Variants in ST7L observed in about 807,000 individuals in gnomAD.
ST7L encodes the protein suppressor of tumorigenicity 7 protein-like.
In ST7L, 57 loss-of-function variants were observed where a neutral mutation model predicts 72.5. The ratio of observed to expected loss-of-function variants is 0.79; its 90% CI spans 0.64 to 0.98. The LOEUF (loss-of-function observed/expected upper bound fraction) is 0.98, where lower values mean the gene tolerates loss of function less well. ST7L is among the 50% of genes least tolerant of loss of function. The probability of loss-of-function intolerance (pLI) is 0.00; values close to 1 mark genes in which losing one functional copy is unlikely to be tolerated. For synonymous variants in ST7L, 221 were observed against 240.9 expected (o/e 0.92, Z 0.77); for missense variants, 576 against 672.2 (o/e 0.86, Z 1.58).
chr1:112,568,313 T>C (rs1259711089), intron 11 of ST7L, among the ~76,000 whole-genome samples: 1 of 151,536 alleles, frequency 6.6e-6, no homozygotes, highest in Non-Finnish European at 1.5e-5. Context: ...AGAGTGTCAA[T>C]GGTCTACTGT....
intron 12 of ST7L, among the ~76,000 whole-genome samples, 158 bp downstream of exon 12, chr1:112,555,710 C>T (rs1317752973): frequency 6.6e-6 from 1 of 152,202 alleles, no homozygotes; most frequent in Non-Finnish European, 1.5e-5. Flanking sequence ...TTATGCATTT[C>T]TACCAATAAA....
Position 112,551,138 on chromosome 1 carries a change from C to CTTTTTTTTTTTTTTTTTTTTTTT in ST7L, c.1397-468_1397-446dup, listed in dbSNP as rs567601091. 1.2e-4 allele frequency among the ~76,000 whole-genome samples: 9 copies of CTTTTTTTTTTTTTTTTTTTTTTT among 77,222 alleles called. 2 individuals carry two copies. Among genetic ancestry groups the CTTTTTTTTTTTTTTTTTTTTTTT allele is most frequent in the African/African-American group, 3.2e-4 (5 of 15,784 alleles). 50.7% of individuals were successfully genotyped at this position (77,222 alleles called of 152,430 possible). On this transcript the variant is annotated intron_variant, in intron 12 of 14. Coordinates refer to ENST00000358039, the MANE Select transcript of ST7L (RefSeq NM_017744.5). ...TCACCAAAGCTTTCTATGAGCAGATCTTTTTTTTTTTTTTTTTTTTTTTTT... is the reference window on the plus strand; with the variant it reads ...TCACCAAAGCTTTCTATGAGCAGATCTTTTTTTTTTTTTTTTTTTTTTTTTTTTTTTTTTTTTTTTTTTTTTTT...
intron 5 of ST7L, among the ~76,000 whole-genome samples, chr1:112,594,395 G>A (rs1383540305): frequency 1.3e-5 from 2 of 152,084 alleles, no homozygotes; most frequent in Non-Finnish European, 2.9e-5. Flanking sequence ...AGTGAAGCTT[G>A]GCATTGGAAA....
At chr1:112,591,636 T>C (rs749537629) in intron 5 of ST7L, 33 bp from the exon 6 acceptor site, 10 of 1,556,272 alleles carry the variant, frequency 6.4e-6, no homozygotes, top group South Asian at 1.2e-5. Context: ...ATAGATGAGA[T>C]GGTAAAAAAA....
intron 14 of ST7L, among the ~76,000 whole-genome samples, chr1:112,534,710 A>T (rs1481569160): frequency 6.6e-6 from 1 of 152,236 alleles, no homozygotes; most frequent in African/African-American, 2.4e-5. Context: ...GATGTTTTCT[A>T]AAACAAAGAT....
rs149361117 is a variant in ST7L, at chr1:112,617,996, C to T, written c.205+913G>A. 7.3e-5 allele frequency: 95 copies of T among 1,303,778 alleles called. No homozygotes were observed. In the African/African-American group the frequency reaches 1.3e-3, roughly 17 times the overall value. The allele number at this position is 1,303,778 out of a possible 1,614,324, so 80.8% of individuals were successfully genotyped here. ...CCAAAAAAACCAAAATATTTCCGAA[C>T]ATTAACTCACAGTCTTTCATGTCAT... is the stretch of plus-strand genomic sequence containing the variant. On this transcript the variant is annotated intron_variant, in intron 1 of 14. Transcript: ENST00000358039.
At chr1:112,614,100 ATAGCT>A (rs931713218) in intron 2 of ST7L, among the ~76,000 whole-genome samples, 4 of 152,222 alleles carry the variant, frequency 2.6e-5, no homozygotes, top group African/African-American at 9.6e-5. Context: ...TGAGGAAATT[ATAGCT>A]TAGACAGTTT....
intron 13 of ST7L, among the ~76,000 whole-genome samples, chr1:112,546,273 T>C (rs1657037574): frequency 7.1e-6 from 1 of 141,640 alleles, no homozygotes; most frequent in Non-Finnish European, 1.5e-5. Flanking sequence ...GAGCCGTGAC[T>C]GCACCACTGC....
intron 13 of ST7L, among the ~76,000 whole-genome samples, chr1:112,546,717 C>T (rs1342663627): frequency 1.3e-5 from 2 of 152,086 alleles, no homozygotes; most frequent in Non-Finnish European, 2.9e-5. Context: ...TCTGATAACC[C>T]AGTGTTCTTC....
downstream of ST7L, chr1:112,520,654 T>C: frequency 1.2e-6 from 1 of 846,466 alleles, no homozygotes; most frequent in Non-Finnish European, 1.9e-6. Flanking sequence ...ATAGGGACCA[T>C]GGTGTCCTGG....
chr1:112,602,294 AT>A lies in ST7L; in HGVS notation c.452-1447del, dbSNP rs1363724465. Among the ~76,000 whole-genome samples the A allele has an allele frequency of 3.3e-5, 5 of 152,278 alleles. No homozygotes were observed. In the East Asian group the frequency reaches 9.6e-4, roughly 29 times the overall value. Reference sequence around the variant, plus strand: ...GCAAAGTAACAATTCTTCAAAATAAATTCTAAGACATTATTTGCCTTTTTAA... The same window carrying A: ...GCAAAGTAACAATTCTTCAAAATAAATCTAAGACATTATTTGCCTTTTTAA... On this transcript the variant is annotated intron_variant, in intron 3 of 14. Coordinates refer to ENST00000358039, the MANE Select transcript of ST7L (RefSeq NM_017744.5).
chr1:112,589,545 C>T (rs1665369104), intron 6 of ST7L, among the ~76,000 whole-genome samples: 1 of 152,146 alleles, frequency 6.6e-6, no homozygotes, highest in South Asian at 2.1e-4. Flanking sequence ...GCTGCTTTTG[C>T]AGTTGTTTGT....
intron 9 of ST7L, among the ~76,000 whole-genome samples, chr1:112,580,505 T>C (rs1344249136): frequency 6.6e-6 from 1 of 152,180 alleles, no homozygotes; most frequent in Non-Finnish European, 1.5e-5. Flanking sequence ...ACCAGAAGCA[T>C]AGTAACCCCA....
intron 11 of ST7L, among the ~76,000 whole-genome samples, chr1:112,556,299 T>TG (rs2101607370): frequency 6.6e-6 from 1 of 152,304 alleles, no homozygotes; most frequent in South Asian, 2.1e-4. Flanking sequence ...GCTGAGAAGA[T>TG]GTGAGAGTAG....
chr1:112,611,032 T>A, intron 2 of ST7L, 29 bp from the exon 3 acceptor site: 1 of 1,608,580 alleles, frequency 6.2e-7, no homozygotes. Context: ...ATCCTGCACT[T>A]AGAATCGATC....
intron 1 of ST7L, chr1:112,618,222 A>C (rs1226132406): frequency 8.8e-7 from 1 of 1,129,946 alleles, no homozygotes; most frequent in Non-Finnish European, 1.1e-6. Context: ...GTATATGAGA[A>C]TCCATCAGGA....
At chr1:112,539,689 A>G in intron 14 of ST7L, 1 of 983,332 alleles carries the variant, frequency 1.0e-6, no homozygotes, top group Non-Finnish European at 1.2e-6. Flanking sequence ...AGAAAAAGAA[A>G]AGAAAGCTGG....
chr1:112,550,948 C>T (rs546761599), intron 12 of ST7L, among the ~76,000 whole-genome samples: 24 of 152,156 alleles, frequency 1.6e-4, no homozygotes, highest in Non-Finnish European at 3.1e-4. Flanking sequence ...TTCTTTGCTT[C>T]ATTCAGTCTC....
At chr1:112,534,425 G>A (rs1412591701) in intron 14 of ST7L, among the ~76,000 whole-genome samples, 1 of 151,902 alleles carries the variant, frequency 6.6e-6, no homozygotes, top group Non-Finnish European at 1.5e-5. Context: ...CCATGGTTTC[G>A]GTAAGTCTAT....
Sources: gnomAD v4.1 joint callset for allele counts (sites outside exome capture counted in the v4.1 genomes callset) on GRCh38, gnomAD v4.1.1 for gene constraint, MANE v1.5 for transcripts, NCBI Gene and HGNC (gene_info 2026-07-23, HGNC 2026-07-21) for gene names.